Variants in EPB41L2 observed in about 807,000 individuals in gnomAD.
The protein encoded by EPB41L2 is erythrocyte membrane protein band 4.1 like 2, also known as band 4.1-like protein 2.
Under a neutral mutation model 113.0 loss-of-function variants are expected in EPB41L2, and 43 were observed. That is an observed-to-expected ratio of 0.38 (90% CI 0.30 to 0.49). EPB41L2 has a LOEUF of 0.49. EPB41L2 is among the 20% of genes least tolerant of loss of function. The pLI is 0.95. For synonymous variants in EPB41L2, 442 were observed against 436.7 expected (o/e 1.01, Z -0.15); for missense variants, 1,147 against 1,223.4 (o/e 0.94, Z 0.93).
At chr6:130,948,380 C>T (rs559161067) in intron 3 of EPB41L2, among the ~76,000 whole-genome samples, 3 of 152,022 alleles carry the variant, frequency 2.0e-5, no homozygotes, top group South Asian at 2.1e-4. Context: ...AAACGAGATC[C>T]GAGATCTACG....
At chr6:130,867,962 ACACACACACACTCTCTCT>A (rs1337286526) in intron 15 of EPB41L2, 24 of 162,100 alleles carry the variant, frequency 1.5e-4, no homozygotes, top group East Asian at 3.1e-4. Flanking sequence ...ACACACACAC[ACACACACACACTCTCTCT>A]CTCTCTCTCT....
chr6:130,953,773 C>T lies in EPB41L2; in HGVS notation c.705+1332G>A, dbSNP rs1199183266. Among the ~76,000 whole-genome samples the T allele has an allele frequency of 5.3e-5, 8 of 151,894 alleles. No homozygotes were observed. The East Asian group carries it at 1.4e-3, about 26-fold the overall frequency. On this transcript the variant is annotated intron_variant, in intron 3 of 19. Coordinates refer to ENST00000337057, the MANE Select transcript of EPB41L2 (RefSeq NM_001431.4). ...CTGAGGTTGAAGGGAGCTGCCTTGT[C>T]CTTCCATCAGGTGAGGACACAGCAC...
At chr6:130,848,188 C>CTCTCTCTCTCTG (rs1393924936) in intron 19 of EPB41L2, among the ~76,000 whole-genome samples, 2 of 79,758 alleles carry the variant, frequency 2.5e-5, no homozygotes, top group African/African-American at 9.8e-5. Context: ...CTCTGTCTCT[C>CTCTCTCTCTCTG]TCTCTCTCTC....
At chr6:130,928,416 G>A (rs530074676) in intron 3 of EPB41L2, among the ~76,000 whole-genome samples, 31 of 152,172 alleles carry the variant, frequency 2.0e-4, no homozygotes, top group Non-Finnish European at 4.6e-4. Flanking sequence ...TACCACAGGA[G>A]GTGCGGTGAG....
At chr6:130,978,316 T>C (rs1268065421) in intron 1 of EPB41L2, among the ~76,000 whole-genome samples, 1 of 152,184 alleles carries the variant, frequency 6.6e-6, no homozygotes, top group Non-Finnish European at 1.5e-5. Context: ...ACAGCCCCAA[T>C]CTGGGGCCCT....
In EPB41L2 at chr6:130,929,857, TCACACACA is replaced by T. The variant is rs140350248; in HGVS notation, c.706-3156_706-3149del. On this transcript the variant is annotated intron_variant, in intron 3 of 19. Transcript: ENST00000337057. ...GGGAGATTAAATACAAGACAGACAGTCACACACACACACACACACACACACACACACAC... is the reference window on the plus strand; with the variant it reads ...GGGAGATTAAATACAAGACAGACAGTCACACACACACACACACACACACAC... 1.9e-4 allele frequency among the ~76,000 whole-genome samples: 23 copies of T among 123,452 alleles called. No individual in the cohort carries two copies. In the South Asian group the frequency reaches 2.3e-3, roughly 12 times the overall value. 81.0% of individuals were successfully genotyped at this position (123,452 alleles called of 152,430 possible). A position where few individuals can be genotyped will look rare whatever the true frequency, so the allele number is the denominator to read the frequency against.
At chr6:130,921,419 G>C (rs529347850) in intron 4 of EPB41L2, among the ~76,000 whole-genome samples, 1 of 152,228 alleles carries the variant, frequency 6.6e-6, no homozygotes, top group African/African-American at 2.4e-5. Context: ...AAAACAGTGT[G>C]CTCATGAGAA....
chr6:130,969,739 T>C (rs1776283135), intron 1 of EPB41L2, among the ~76,000 whole-genome samples: 1 of 152,084 alleles, frequency 6.6e-6, no homozygotes, highest in African/African-American at 2.4e-5. Context: ...ATGAAGCACT[T>C]TATAAGTAAA....
chr6:130,964,313 C>T (rs945960809), intron 1 of EPB41L2, among the ~76,000 whole-genome samples: 5 of 152,172 alleles, frequency 3.3e-5, no homozygotes, highest in Admixed American at 6.5e-5. Flanking sequence ...TGAACCACTG[C>T]GCCCAGCCTG....
intron 1 of EPB41L2, among the ~76,000 whole-genome samples, chr6:130,961,938 T>C (rs914679527): frequency 3.3e-5 from 5 of 152,224 alleles, no homozygotes; most frequent in Non-Finnish European, 5.9e-5. Context: ...CAAATAACCA[T>C]TGAACTTAAA....
chr6:130,952,216 A>G (rs1815379722), intron 3 of EPB41L2, among the ~76,000 whole-genome samples: 1 of 152,108 alleles, frequency 6.6e-6, no homozygotes, highest in Non-Finnish European at 1.5e-5. Context: ...GGTCAATTTT[A>G]TCAATTTCAT....
intron 1 of EPB41L2, among the ~76,000 whole-genome samples, chr6:130,992,242 A>G (rs542311591): frequency 2.0e-5 from 3 of 152,294 alleles, no homozygotes; most frequent in African/African-American, 7.2e-5. Context: ...TTAAATATTA[A>G]GCAAAATGGT....
chr6:130,864,424 C>T (rs1237298942), intron 17 of EPB41L2, among the ~76,000 whole-genome samples: 2 of 152,148 alleles, frequency 1.3e-5, no homozygotes, highest in Non-Finnish European at 2.9e-5. Flanking sequence ...GTAGACATGG[C>T]GCATGGCTAG....
intron 18 of EPB41L2, among the ~76,000 whole-genome samples, chr6:130,859,152 T>G (rs983926140): frequency 6.6e-5 from 10 of 152,226 alleles, no homozygotes; most frequent in Non-Finnish European, 1.3e-4. Context: ...GAAAATAGCT[T>G]TCCTAATTAT....
chr6:130,997,581 T>TCAAGCACAATA (rs1554326234), intron 1 of EPB41L2, among the ~76,000 whole-genome samples: 1 of 152,292 alleles, frequency 6.6e-6, no homozygotes, highest in Non-Finnish European at 1.5e-5. Flanking sequence ...CATTAAAATA[T>TCAAGCACAATA]CAAGCACAAT....
rs139762309 is a variant in EPB41L2, at chr6:131,021,615, C to A, written c.-15+41540G>T. Among the ~76,000 whole-genome samples, 151 of 151,952 alleles carry A rather than the reference C, an allele frequency of 9.9e-4. 2 individuals are homozygous for A. In the Middle Eastern group the frequency reaches 0.01, roughly 10 times the overall value. ...GGCAGAGGTTGCAGTGAGCCAAGAT[C>A]GCACCATTGCACTCCTGCCTGGGCA... On this transcript the variant is annotated intron_variant, in intron 1 of 19. Coordinates refer to ENST00000337057, the MANE Select transcript of EPB41L2 (RefSeq NM_001431.4).
At position 130,860,024 on chromosome 6, in the gene EPB41L2, G is replaced by A. The variant is rs181709536; in HGVS notation, c.2911-1781C>T. ...GGGAAGGGCAGAGAAGCTTTTCAAC[G>A]TGTTGACTGGAATGGGAATAGGAAA... is the stretch of plus-strand genomic sequence containing the variant. On this transcript the variant is annotated intron_variant, in intron 18 of 19. Transcript: ENST00000337057. 1.1e-4 allele frequency among the ~76,000 whole-genome samples: 16 copies of A among 152,286 alleles called. No individual in the cohort carries two copies. The East Asian group carries it at 2.3e-3, about 22-fold the overall frequency.
At chr6:131,045,370 A>AT (rs1562792621) in intron 1 of EPB41L2, among the ~76,000 whole-genome samples, 71 of 151,716 alleles carry the variant, frequency 4.7e-4, no homozygotes, top group Non-Finnish European at 6.6e-4. Flanking sequence ...TATTCATTTA[A>AT]AAATGATGAG....
chr6:130,914,517 C>T (rs749808034), intron 4 of EPB41L2, among the ~76,000 whole-genome samples: 9 of 147,646 alleles, frequency 6.1e-5, no homozygotes, highest in African/African-American at 2.4e-4. Flanking sequence ...CCAGTTTGGC[C>T]GATGGTAAAA....
Sources: gnomAD v4.1 joint callset for allele counts (sites outside exome capture counted in the v4.1 genomes callset) on GRCh38, gnomAD v4.1.1 for gene constraint, MANE v1.5 for transcripts, NCBI Gene and HGNC (gene_info 2026-07-23, HGNC 2026-07-21) for gene names.